DENND4A: variants seen among roughly 807,000 people sequenced by gnomAD.
The protein encoded by DENND4A is C-myc promoter-binding protein.
DENND4A carries 70 observed loss-of-function variants against 199.3 expected under a neutral mutation model. The ratio of observed to expected loss-of-function variants is 0.35; its 90% CI spans 0.29 to 0.43. The LOEUF is 0.43. Among genes scored for constraint, DENND4A ranks in the 20% least tolerant of loss-of-function variants. The pLI is 1.00. For synonymous variants in DENND4A, 686 were observed against 766.9 expected, an observed-to-expected ratio of 0.89 and a Z score of 1.74; for missense variants, 1,723 against 2,255.8, an observed-to-expected ratio of 0.76 and a Z score of 4.78.
In DENND4A at chr15:65,722,770, T is replaced by G. The variant is rs1027553414; in HGVS notation, c.1588+78A>C. On this transcript the variant is annotated intron_variant, in intron 12 of 32. Transcript: ENST00000443035. The stretch of plus-strand genomic sequence containing the variant: ...CCGCTTTCTGCTAGATAAACATTAT[T>G]CTTTTATAAGTAAGGCAAAGTAATT... 8.9e-6 allele frequency: 10 copies of G among 1,128,494 alleles called. No homozygotes were observed. In the African/African-American group the frequency reaches 1.5e-4, roughly 16 times the overall value. The allele number at this position is 1,128,494 out of a possible 1,614,324, so 69.9% of individuals were successfully genotyped here.
At chr15:65,710,619 T>G (rs1174136013) in intron 14 of DENND4A, among the ~76,000 whole-genome samples, 1 of 152,180 alleles carries the variant, frequency 6.6e-6, no homozygotes, top group East Asian at 1.9e-4. Context: ...TAAAAAAGAA[T>G]GTAGAGGAAT....
At chr15:65,671,940 A>G (rs2076232011) in intron 24 of DENND4A, 54 bp from the exon 25 acceptor site, 1 of 1,075,924 alleles carries the variant, frequency 9.3e-7, no homozygotes, top group South Asian at 1.3e-5. Context: ...ATGAGAAAGG[A>G]TATAAGAATC....
chr15:65,760,131 G>C (rs2076815026), intron 2 of DENND4A, among the ~76,000 whole-genome samples: 1 of 152,174 alleles, frequency 6.6e-6, no homozygotes, highest in Non-Finnish European at 1.5e-5. Flanking sequence ...CTCTGGTAAA[G>C]TATTTTCATT....
At chr15:65,664,834 G>A in intron 30 of DENND4A, 112 bp from the exon 31 acceptor site, 25 of 884,194 alleles carry the variant, frequency 2.8e-5, no homozygotes, top group Admixed American at 6.7e-5. Flanking sequence ...ATAAATTAAG[G>A]GCAATAGATA....
Position 65,695,254 on chromosome 15 carries a change from T to C in DENND4A, c.3082+1112A>G, listed in dbSNP as rs182160178. 4.6e-5 allele frequency among the ~76,000 whole-genome samples: 7 copies of C among 152,328 alleles called. No individual in the cohort carries two copies. The East Asian group carries it at 1.3e-3, about 29-fold the overall frequency. On this transcript the variant is annotated intron_variant, in intron 22 of 32. Coordinates refer to ENST00000443035, the MANE Select transcript of DENND4A (RefSeq NM_001320835.1). ...AATATTGTAGTCTTTGCAGGCCATG[T>C]GGTCTCTGTCACAGCTACTCAACTC... is the stretch of plus-strand genomic sequence containing the variant.
At chr15:65,718,728 C>T (rs2075495097) in intron 12 of DENND4A, among the ~76,000 whole-genome samples, 1 of 143,858 alleles carries the variant, frequency 7.0e-6, no homozygotes, top group South Asian at 2.2e-4. Flanking sequence ...AACTGCCCCC[C>T]TTTCCCTCAA....
chr15:65,790,284 C>A (rs1228325332), intron 1 of DENND4A, among the ~76,000 whole-genome samples: 1 of 152,142 alleles, frequency 6.6e-6, no homozygotes, highest in Non-Finnish European at 1.5e-5. Context: ...TCCTGGCTCT[C>A]TTGCACAGAC....
chr15:65,747,244 T>A (rs79956358), intron 4 of DENND4A, among the ~76,000 whole-genome samples: 5,784 of 152,276 alleles, frequency 0.038, 385 homozygotes, highest in African/African-American at 0.13. Flanking sequence ...TTTTTGCAAT[T>A]TTAGATTGTA....
At chr15:65,708,631 C>G (rs1048045687) in intron 14 of DENND4A, among the ~76,000 whole-genome samples, 2 of 151,884 alleles carry the variant, frequency 1.3e-5, no homozygotes, top group African/African-American at 4.8e-5. Context: ...CTGTCTCTAT[C>G]GAGAGAAAAA....
intron 11 of DENND4A, among the ~76,000 whole-genome samples, chr15:65,724,663 C>G (rs551456092): frequency 6.6e-6 from 1 of 152,176 alleles, no homozygotes; most frequent in South Asian, 2.1e-4. Context: ...TCCCCTCTAT[C>G]TTTCCACAAA....
chr15:65,726,084 C>T (rs1316840724), intron 11 of DENND4A: 3 of 152,036 alleles, frequency 2.0e-5, no homozygotes, highest in African/African-American at 2.4e-5. Flanking sequence ...AAGAAAAGAG[C>T]TCAGACCTCA....
At chr15:65,728,480 T>C (rs1339687379) in intron 11 of DENND4A, among the ~76,000 whole-genome samples, 1 of 146,520 alleles carries the variant, frequency 6.8e-6, no homozygotes, top group Non-Finnish European at 1.5e-5. Flanking sequence ...TTTCTTTTTT[T>C]CTTTTTCTTT....
chr15:65,696,621 C>G (rs913880794), intron 21 of DENND4A, 124 bp from the exon 22 acceptor site: 3 of 604,258 alleles, frequency 5.0e-6, no homozygotes, highest in Non-Finnish European at 2.8e-6. Flanking sequence ...ATATTGAACA[C>G]CTCTATATCT....
chr15:65,779,966 C>T (rs866692615), intron 1 of DENND4A, among the ~76,000 whole-genome samples: 17 of 152,114 alleles, frequency 1.1e-4, no homozygotes, highest in Middle Eastern at 6.8e-3. Flanking sequence ...TCTCAAACTC[C>T]TGGGCTCAAG....
chr15:65,735,508 T>C (rs961696363), intron 7 of DENND4A, among the ~76,000 whole-genome samples: 1 of 152,234 alleles, frequency 6.6e-6, no homozygotes, highest in African/African-American at 2.4e-5. Context: ...TGACTTACTA[T>C]GAATCAAGGC....
At chr15:65,676,825 C>T (rs1265099287) in intron 23 of DENND4A, among the ~76,000 whole-genome samples, 191 bp from the exon 24 acceptor site, 1 of 152,120 alleles carries the variant, frequency 6.6e-6, no homozygotes, top group African/African-American at 2.4e-5. Context: ...TGCTGCAGTT[C>T]AATTTTTAGG....
intron 4 of DENND4A, among the ~76,000 whole-genome samples, chr15:65,742,587 C>T (rs1596574495): frequency 5.3e-5 from 8 of 152,134 alleles, no homozygotes; most frequent in South Asian, 4.2e-4. Flanking sequence ...CCACCATGCC[C>T]GGCCAATTTT....
intron 4 of DENND4A, among the ~76,000 whole-genome samples, chr15:65,743,679 C>G (rs2076314773): frequency 6.6e-6 from 1 of 152,182 alleles, no homozygotes; most frequent in Non-Finnish European, 1.5e-5. Flanking sequence ...ATACCTAAAA[C>G]AGTGCCTGGT....
chr15:65,718,962 T>G (rs2075513695), intron 12 of DENND4A, among the ~76,000 whole-genome samples: 1 of 151,182 alleles, frequency 6.6e-6, no homozygotes, highest in Non-Finnish European at 1.5e-5. Context: ...GTATTTTTAG[T>G]AGAGACGGGG....
Sources: allele counts gnomAD v4.1 joint callset (sites outside exome capture counted in the v4.1 genomes callset), GRCh38; gene constraint gnomAD v4.1.1; transcripts MANE v1.5; gene names NCBI Gene and HGNC (gene_info 2026-07-23, HGNC 2026-07-21).